NKAIN3: variants seen among roughly 807,000 people sequenced by gnomAD.
The protein encoded by NKAIN3 is sodium/potassium-transporting ATPase subunit beta-1-interacting protein 3.
In NKAIN3, 25 loss-of-function variants were observed where a neutral mutation model predicts 30.2. That is an observed-to-expected ratio of 0.83 (90% CI 0.60 to 1.16). The LOEUF is 1.16. Among genes scored for constraint, NKAIN3 ranks in the 50% most tolerant of loss-of-function variants. NKAIN3 has a pLI of 0.00. For synonymous variants in NKAIN3, 91 were observed against 89.6 expected (o/e 1.02, Z -0.09); for missense variants, 225 against 254.1 (o/e 0.89, Z 0.78).
intron 3 of NKAIN3, among the ~76,000 whole-genome samples, chr8:62,727,809 A>G (rs1815308639): frequency 6.6e-6 from 1 of 152,164 alleles, no homozygotes; most frequent in Non-Finnish European, 1.5e-5. Context: ...ATTGAAATCC[A>G]AAGTTGTTCT....
chr8:62,821,004 G>A lies in NKAIN3; in HGVS notation c.471+73875G>A, dbSNP rs182006839. 1.5e-3 allele frequency among the ~76,000 whole-genome samples: 226 copies of A among 152,228 alleles called. 1 individual carries two copies. The highest frequency in any genetic ancestry group is 3.4e-3 in the Middle Eastern group (1 of 294). Reference sequence around the variant, plus strand: ...AAGCAGGAGAATTTTAATTAATGCTGATTGCATTTTATTGTGAGACAGTTG... The same window carrying A: ...AAGCAGGAGAATTTTAATTAATGCTAATTGCATTTTATTGTGAGACAGTTG... On this transcript the variant is annotated intron_variant, in intron 4 of 6. Transcript: ENST00000623646.
At chr8:62,316,816 A>G (rs1210217302) in intron 1 of NKAIN3, among the ~76,000 whole-genome samples, 1 of 152,172 alleles carries the variant, frequency 6.6e-6, no homozygotes, top group Non-Finnish European at 1.5e-5. Flanking sequence ...GCTGGGTCAA[A>G]TGGTATTTCT....
intron 1 of NKAIN3, among the ~76,000 whole-genome samples, chr8:62,539,510 CAG>C (rs776700754): frequency 2.0e-5 from 3 of 152,184 alleles, no homozygotes; most frequent in South Asian, 2.1e-4. Context: ...TAAAAAGATT[CAG>C]AGTTTCTTCT....
At chr8:62,774,412 G>A (rs1476539215) in intron 4 of NKAIN3, among the ~76,000 whole-genome samples, 2 of 152,096 alleles carry the variant, frequency 1.3e-5, no homozygotes, top group Admixed American at 1.3e-4. Flanking sequence ...TCTCTTGTCT[G>A]ATTGCTCTAG....
At chr8:62,898,613 A>C (rs562822037) in intron 4 of NKAIN3, among the ~76,000 whole-genome samples, 1 of 152,276 alleles carries the variant, frequency 6.6e-6, no homozygotes, top group African/African-American at 2.4e-5. Flanking sequence ...ATATTGTCTC[A>C]AACTATGAAA....
chr8:62,521,960 T>C (rs962505347), intron 1 of NKAIN3, among the ~76,000 whole-genome samples: 9 of 152,142 alleles, frequency 5.9e-5, no homozygotes, highest in African/African-American at 1.4e-4. Context: ...ATTGTGTTAG[T>C]TGAGATTTGC....
chr8:62,975,570 C>T lies in NKAIN3; in HGVS notation c.*10163C>T, dbSNP rs1169891940. On this transcript the variant is annotated 3_prime_UTR_variant, in exon 7 of 7. Coordinates refer to ENST00000623646, the MANE Select transcript of NKAIN3 (RefSeq NM_001304533.3). ...CTTCCCTCTTTTCTTCTTTATTAGC[C>T]TGGCTAGCCATCTAAGTATTTTGTT... 2.0e-5 allele frequency among the ~76,000 whole-genome samples: 3 copies of T among 152,056 alleles called. No individual in the cohort carries two copies. Among genetic ancestry groups the T allele is most frequent in the African/African-American group, 7.2e-5 (3 of 41,416 alleles).
chr8:62,531,960 A>G lies in NKAIN3; in HGVS notation c.55-47579A>G, dbSNP rs566778043. On this transcript the variant is annotated intron_variant, in intron 1 of 6. Transcript: ENST00000623646. Reference sequence around the variant, plus strand: ...TGACTGCCCAGCTCCCTCAGATGACAGTAATAAAGAAAGGACTTAATACAC... The same window carrying G: ...TGACTGCCCAGCTCCCTCAGATGACGGTAATAAAGAAAGGACTTAATACAC... Among the ~76,000 whole-genome samples, 7 of 152,350 alleles carry G rather than the reference A, an allele frequency of 4.6e-5. No individual in the cohort carries two copies. In the South Asian group the frequency reaches 1.0e-3, roughly 23 times the overall value.
At chr8:62,831,846 A>T (rs1194604679) in intron 4 of NKAIN3, among the ~76,000 whole-genome samples, 1 of 152,198 alleles carries the variant, frequency 6.6e-6, no homozygotes, top group East Asian at 1.9e-4. Context: ...TCAGACATCC[A>T]GATATAAGAA....
At chr8:62,761,963 G>A (rs1218284236) in intron 4 of NKAIN3, among the ~76,000 whole-genome samples, 2 of 152,132 alleles carry the variant, frequency 1.3e-5, no homozygotes, top group Non-Finnish European at 2.9e-5. Context: ...TGTTATGATT[G>A]TAAATAATCA....
chr8:62,412,668 G>A (rs1040531246), intron 1 of NKAIN3, among the ~76,000 whole-genome samples: 1 of 151,868 alleles, frequency 6.6e-6, no homozygotes, highest in Admixed American at 6.6e-5. Context: ...GCAGAGGCGG[G>A]CGGAACATTT....
At chr8:62,806,989 C>G (rs916987452) in intron 4 of NKAIN3, among the ~76,000 whole-genome samples, 5 of 151,966 alleles carry the variant, frequency 3.3e-5, no homozygotes. Context: ...CCACTGATGA[C>G]CCTGCCCAAA....
chr8:62,295,636 G>A (rs986474092), intron 1 of NKAIN3, among the ~76,000 whole-genome samples: 4 of 152,052 alleles, frequency 2.6e-5, no homozygotes, highest in Non-Finnish European at 2.9e-5. Flanking sequence ...TCCAATTCTT[G>A]CATATAAAAT....
chr8:62,753,329 C>T (rs956298279), intron 4 of NKAIN3, among the ~76,000 whole-genome samples: 5 of 151,832 alleles, frequency 3.3e-5, no homozygotes, highest in Admixed American at 2.0e-4. Flanking sequence ...TAATGTCATC[C>T]TACAGTGCTG....
At chr8:62,846,646 C>A (rs2130767156) in intron 4 of NKAIN3, among the ~76,000 whole-genome samples, 1 of 152,268 alleles carries the variant, frequency 6.6e-6, no homozygotes, top group Non-Finnish European at 1.5e-5. Flanking sequence ...CATGTTCATG[C>A]AAAGAACATG....
At chr8:62,999,575 T>A (rs1178831587) in exon 6 of NKAIN3, 2 of 152,234 alleles carry the variant, frequency 1.3e-5, no homozygotes, top group African/African-American at 4.8e-5. Flanking sequence ...TTTTCTTCCA[T>A]CCTTGAGTTA....
At chr8:62,713,065 C>A (rs957125008) in intron 3 of NKAIN3, among the ~76,000 whole-genome samples, 2 of 152,140 alleles carry the variant, frequency 1.3e-5, no homozygotes, top group African/African-American at 4.8e-5. Flanking sequence ...TGGGGGCACT[C>A]ACAGTATTTG....
chr8:62,470,263 G>T (rs902492905), intron 1 of NKAIN3, among the ~76,000 whole-genome samples: 2 of 152,134 alleles, frequency 1.3e-5, no homozygotes, highest in African/African-American at 4.8e-5. Flanking sequence ...ACTTAGGGCT[G>T]CCAATTTGGA....
At position 62,984,264 on chromosome 8, in the gene NKAIN3, C is replaced by G. The variant is rs1469984630; in HGVS notation, c.*18857C>G. 6.6e-6 allele frequency: 1 copy of G among 152,114 alleles called. No homozygotes were observed. The highest frequency in any genetic ancestry group is 1.5e-5 in the Non-Finnish European group (1 of 68,036). 9.4% of individuals were successfully genotyped at this position (152,114 alleles called of 1,614,324 possible). A position where few individuals can be genotyped will look rare whatever the true frequency, so the allele number is the denominator to read the frequency against. ...CATCTTATGGAAAATATTGGAAGTA[C>G]CTAGGGCATTTCATTATATTTCAAA... On this transcript the variant is annotated 3_prime_UTR_variant, in exon 7 of 7. Coordinates refer to ENST00000623646, the MANE Select transcript of NKAIN3 (RefSeq NM_001304533.3).
Sources: allele counts gnomAD v4.1 joint callset (sites outside exome capture counted in the v4.1 genomes callset), GRCh38; gene constraint gnomAD v4.1.1; transcripts MANE v1.5; gene names NCBI Gene and HGNC (gene_info 2026-07-23, HGNC 2026-07-21).